The following HECW1 variants were observed in gnomAD, a reference collection of about 807,000 sequenced individuals.
HECW1 encodes E3 ubiquitin-protein ligase HECW1.
A neutral mutation model predicts 182.3 loss-of-function variants in HECW1; 61 were observed. The observed-to-expected ratio is 0.33, with a 90% CI of 0.27 to 0.41. HECW1 has a LOEUF of 0.41. Among genes scored for constraint, HECW1 ranks in the 10% least tolerant of loss-of-function variants. HECW1 has a pLI of 1.00. For missense variants in HECW1, 1,739 were observed against 2,108.9 expected (o/e 0.82, Z 3.44); for synonymous variants, 859 against 832.6 (o/e 1.03, Z -0.55).
intron 12 of HECW1, among the ~76,000 whole-genome samples, chr7:43,455,947 G>A (rs2077388068): frequency 6.6e-6 from 1 of 152,046 alleles, no homozygotes; most frequent in African/African-American, 2.4e-5. Flanking sequence ...GTTGCAGTGA[G>A]CCAAGATCGC....
At chr7:43,435,596 T>C (rs1039114365) in intron 8 of HECW1, among the ~76,000 whole-genome samples, 5 of 152,188 alleles carry the variant, frequency 3.3e-5, no homozygotes, top group Non-Finnish European at 7.3e-5. Flanking sequence ...CTGGGGCCTG[T>C]GTCTAGTTCT....
chr7:43,221,323 C>G (rs1172276773), intron 2 of HECW1, among the ~76,000 whole-genome samples: 1 of 151,982 alleles, frequency 6.6e-6, no homozygotes, highest in Non-Finnish European at 1.5e-5. Context: ...ACTGTGTTTC[C>G]AGGGTCATTT....
At chr7:43,448,334 T>C (rs894455572) in intron 11 of HECW1, among the ~76,000 whole-genome samples, 2 of 152,224 alleles carry the variant, frequency 1.3e-5, no homozygotes, top group Non-Finnish European at 2.9e-5. Context: ...TTTAAAAGTT[T>C]AATTTAAAAT....
intron 2 of HECW1, among the ~76,000 whole-genome samples, chr7:43,221,312 C>T (rs1045875459): frequency 6.6e-6 from 1 of 152,082 alleles, no homozygotes; most frequent in Non-Finnish European, 1.5e-5. Flanking sequence ...TGGTTTCTGA[C>T]ACTGTGTTTC....
At chr7:43,506,160 C>G (rs1585119217) in intron 21 of HECW1, among the ~76,000 whole-genome samples, 1 of 152,152 alleles carries the variant, frequency 6.6e-6, no homozygotes, top group African/African-American at 2.4e-5. Context: ...AATATAAACT[C>G]TAATCTAATA....
At chr7:43,537,285 C>G (rs1454808900) in intron 24 of HECW1, among the ~76,000 whole-genome samples, 2 of 152,238 alleles carry the variant, frequency 1.3e-5, no homozygotes, top group East Asian at 3.8e-4. Context: ...ACTTTATCCT[C>G]TGAACTCTAT....
intron 11 of HECW1, among the ~76,000 whole-genome samples, chr7:43,448,256 C>A (rs1187834867): frequency 6.6e-6 from 1 of 152,212 alleles, no homozygotes; most frequent in African/African-American, 2.4e-5. Context: ...TAAGTCTGAA[C>A]TGACAACTAT....
At chr7:43,181,882 G>A (rs2152676793) in intron 2 of HECW1, among the ~76,000 whole-genome samples, 1 of 150,822 alleles carries the variant, frequency 6.6e-6, no homozygotes, top group East Asian at 1.9e-4. Flanking sequence ...CCACCTCCTG[G>A]GTTCATGCCA....
At chr7:43,548,458 G>A (rs976034504) in intron 26 of HECW1, among the ~76,000 whole-genome samples, 1 of 152,054 alleles carries the variant, frequency 6.6e-6, no homozygotes, top group Non-Finnish European at 1.5e-5. Flanking sequence ...TTCAAAAGGG[G>A]GTCACCAAGA....
chr7:43,430,334 T>A (rs935508820), intron 8 of HECW1, among the ~76,000 whole-genome samples: 2 of 152,212 alleles, frequency 1.3e-5, no homozygotes, highest in Non-Finnish European at 2.9e-5. Context: ...CCAGTAAAAC[T>A]CTTTCTACCC....
intron 24 of HECW1, among the ~76,000 whole-genome samples, chr7:43,524,362 C>T (rs1051479142): frequency 6.6e-5 from 10 of 152,156 alleles, no homozygotes; most frequent in Non-Finnish European, 1.2e-4. Flanking sequence ...AAGACCAAAC[C>T]TGAAGGCAGT....
At chr7:43,510,914 G>A (rs2079834294) in intron 24 of HECW1, 1 of 152,232 alleles carries the variant, frequency 6.6e-6, no homozygotes, top group Non-Finnish European at 1.5e-5. Context: ...TGGACTACCT[G>A]TTAAAAGTGG....
intron 6 of HECW1, among the ~76,000 whole-genome samples, chr7:43,368,301 G>A (rs1238564206): frequency 6.6e-6 from 1 of 152,122 alleles, no homozygotes; most frequent in Non-Finnish European, 1.5e-5. Context: ...CATGATGCAG[G>A]GTTTTCCAGA....
chr7:43,520,948 G>A (rs936549209), intron 24 of HECW1, among the ~76,000 whole-genome samples: 10 of 152,228 alleles, frequency 6.6e-5, no homozygotes, highest in South Asian at 2.1e-4. Context: ...TGCAGCCAGC[G>A]TGGTTTCTGG....
chr7:43,458,034 G>A (rs1013787464), intron 13 of HECW1, among the ~76,000 whole-genome samples: 3 of 152,168 alleles, frequency 2.0e-5, no homozygotes, highest in Non-Finnish European at 4.4e-5. Context: ...GTTACAGAGA[G>A]GAAGTCCTGA....
intron 8 of HECW1, among the ~76,000 whole-genome samples, chr7:43,419,683 A>G (rs1384463478): frequency 6.6e-6 from 1 of 152,252 alleles, no homozygotes; most frequent in Non-Finnish European, 1.5e-5. Flanking sequence ...AACAACTCCT[A>G]CAAAACTAGG....
At chr7:43,284,600 T>C (rs1374338399) in intron 3 of HECW1, among the ~76,000 whole-genome samples, 1 of 152,088 alleles carries the variant, frequency 6.6e-6, no homozygotes, top group Non-Finnish European at 1.5e-5. Flanking sequence ...AATACCTTGT[T>C]ATTATCTACA....
At chr7:43,191,287 T>G (rs112012224) in intron 2 of HECW1, among the ~76,000 whole-genome samples, 1 of 152,204 alleles carries the variant, frequency 6.6e-6, no homozygotes, top group Non-Finnish European at 1.5e-5. Context: ...ACCCCCAGAC[T>G]AGAAGATACC....
intron 13 of HECW1, 54 bp from the exon 14 acceptor site, chr7:43,463,606 C>A: frequency 1.3e-6 from 2 of 1,555,250 alleles, no homozygotes; most frequent in Non-Finnish European, 8.8e-7. Context: ...AGAGTTTTGG[C>A]CCCCAAGGAG....
Sources: gnomAD v4.1 joint callset for allele counts (sites outside exome capture counted in the v4.1 genomes callset) on GRCh38, gnomAD v4.1.1 for gene constraint, MANE v1.5 for transcripts, NCBI Gene and HGNC (gene_info 2026-07-23, HGNC 2026-07-21) for gene names.